ADAMTS12: variants seen among roughly 807,000 people sequenced by gnomAD.
ADAMTS12 encodes the protein ADAM metallopeptidase with thrombospondin type 1 motif 12.
ADAMTS12 carries 118 observed loss-of-function variants against 167.8 expected under a neutral mutation model. That is an observed-to-expected ratio of 0.70 (90% confidence interval 0.61 to 0.82). The LOEUF (loss-of-function observed/expected upper bound fraction) is 0.82. Ranked by LOEUF, ADAMTS12 falls within the 40% of genes least tolerant of loss-of-function variation. The pLI is 0.00. For missense variants in ADAMTS12, 1,916 were observed against 1,998.8 expected, an observed-to-expected ratio of 0.96 and a Z score of 0.79; for synonymous variants, 704 against 716.9, an observed-to-expected ratio of 0.98 and a Z score of 0.29.
At chr5:33,812,645 T>G (rs1423458836) in intron 2 of ADAMTS12, among the ~76,000 whole-genome samples, 1 of 152,232 alleles carries the variant, frequency 6.6e-6, no homozygotes, top group Non-Finnish European at 1.5e-5. Flanking sequence ...GTGTTTGACT[T>G]TTTTCATTCA....
intron 2 of ADAMTS12, among the ~76,000 whole-genome samples, chr5:33,860,358 G>A (rs1180415102): frequency 3.3e-5 from 5 of 152,064 alleles, no homozygotes; most frequent in African/African-American, 1.2e-4. Flanking sequence ...CAAGAACTTC[G>A]TGAAGCATAC....
In ADAMTS12 at chr5:33,614,261, T is replaced by C. The variant is rs1337803639; in HGVS notation, c.2504A>G (p.Glu835Gly). The C allele has an allele frequency of 5.0e-6, 8 of 1,613,884 alleles. No individual in the cohort carries two copies. In the South Asian group the frequency reaches 5.5e-5, roughly 11 times the overall value. ...ACCTGTCCCGCAGGTCACACTGCACTCTGTCCAGTGGCCGTACTGCCAGAA... is the reference window on the plus strand; with the variant it reads ...ACCTGTCCCGCAGGTCACACTGCACCCTGTCCAGTGGCCGTACTGCCAGAA... Reference protein sequence around the residue: ...MYFWQYGHWTECSVTCGTGIR... With the variant: ...MYFWQYGHWTGCSVTCGTGIR... Residue 835 changes from glutamate to glycine, a missense_variant, in exon 16 of 24, where the codon GAG (glutamate) becomes GGG (glycine). Glu to Gly is a moderately conservative substitution (Grantham distance 98). Coordinates refer to ENST00000504830, the MANE Select transcript of ADAMTS12 (RefSeq NM_030955.4).
intron 2 of ADAMTS12, among the ~76,000 whole-genome samples, chr5:33,832,627 G>T (rs1748343960): frequency 6.6e-6 from 1 of 152,334 alleles, no homozygotes; most frequent in South Asian, 2.1e-4. Flanking sequence ...CGCATGCTCA[G>T]AGAGAGAATT....
intron 2 of ADAMTS12, among the ~76,000 whole-genome samples, chr5:33,843,416 C>A (rs2111606686): frequency 6.6e-6 from 1 of 152,180 alleles, no homozygotes; most frequent in Non-Finnish European, 1.5e-5. Flanking sequence ...GTGAGGAGGG[C>A]ATCCATATCA....
rs566911395 is a variant in ADAMTS12 at position 33,816,759 on chromosome 5, C to A, written c.489+64360G>T. ...AGCACAGGGGTGTCTGGGGGTACAT[C>A]AACTGAGGATGAGAAGCTGAAGAGC... On this transcript the variant is annotated intron_variant, in intron 2 of 23. Coordinates refer to ENST00000504830, the MANE Select transcript of ADAMTS12 (RefSeq NM_030955.4). Among the ~76,000 whole-genome samples the A allele has an allele frequency of 3.3e-5, 5 of 152,252 alleles. No individual in the cohort carries two copies. In the South Asian group the frequency reaches 1.0e-3, roughly 32 times the overall value.
At chr5:33,613,512 A>C (rs1461592103) in intron 16 of ADAMTS12, among the ~76,000 whole-genome samples, 1 of 152,100 alleles carries the variant, frequency 6.6e-6, no homozygotes, top group Non-Finnish European at 1.5e-5. Flanking sequence ...CTTCCAGGCC[A>C]AGGCTGTCAA....
chr5:33,845,150 G>A (rs968470631), intron 2 of ADAMTS12, among the ~76,000 whole-genome samples: 2 of 152,198 alleles, frequency 1.3e-5, no homozygotes, highest in Non-Finnish European at 2.9e-5. Context: ...ATGCACATAT[G>A]CCCATATACA....
At chr5:33,584,569 T>C (rs1015557321) in intron 18 of ADAMTS12, among the ~76,000 whole-genome samples, 3 of 152,224 alleles carry the variant, frequency 2.0e-5, no homozygotes, top group African/African-American at 4.8e-5. Context: ...CAGAGTAGCA[T>C]GGAAAACAGA....
intron 2 of ADAMTS12, among the ~76,000 whole-genome samples, chr5:33,761,577 T>A (rs1332422493): frequency 1.3e-5 from 2 of 152,178 alleles, no homozygotes; most frequent in African/African-American, 4.8e-5. Context: ...TAATGAATAT[T>A]TATATCTACA....
chr5:33,843,258 G>C (rs2111605776), intron 2 of ADAMTS12, among the ~76,000 whole-genome samples: 1 of 152,346 alleles, frequency 6.6e-6, no homozygotes, highest in South Asian at 2.1e-4. Context: ...CCAGGACTGA[G>C]CAAGATGAGA....
At chr5:33,687,437 T>C (rs752740509) in intron 3 of ADAMTS12, among the ~76,000 whole-genome samples, 1 of 152,248 alleles carries the variant, frequency 6.6e-6, no homozygotes, top group Non-Finnish European at 1.5e-5. Context: ...GCCATCTGTG[T>C]GATTCCACTA....
At chr5:33,827,078 C>T (rs1360341409) in intron 2 of ADAMTS12, among the ~76,000 whole-genome samples, 2 of 77,236 alleles carry the variant, frequency 2.6e-5, no homozygotes, top group East Asian at 2.9e-4. Flanking sequence ...TCTCATTCAC[C>T]GCATAAAGAC....
chr5:33,530,047 G>A (rs2111728261), intron 23 of ADAMTS12, among the ~76,000 whole-genome samples: 1 of 152,054 alleles, frequency 6.6e-6, no homozygotes, highest in East Asian at 1.9e-4. Flanking sequence ...AGCCTCCTGA[G>A]TAGTTGGGCC....
intron 2 of ADAMTS12, among the ~76,000 whole-genome samples, chr5:33,812,900 G>A (rs1249831950): frequency 1.3e-5 from 2 of 152,070 alleles, no homozygotes; most frequent in Admixed American, 1.3e-4. Flanking sequence ...ATATACATAT[G>A]TCTAATGCAT....
At chr5:33,540,569 C>G (rs965594071) in intron 22 of ADAMTS12, among the ~76,000 whole-genome samples, 6 of 152,218 alleles carry the variant, frequency 3.9e-5, no homozygotes, top group African/African-American at 1.4e-4. Context: ...GGCCAACAGA[C>G]ACATCATATA....
intron 2 of ADAMTS12, among the ~76,000 whole-genome samples, chr5:33,775,926 T>G (rs372594556): frequency 6.6e-6 from 1 of 152,222 alleles, no homozygotes; most frequent in East Asian, 1.9e-4. Flanking sequence ...TTATCCCTTC[T>G]GCCATATGAG....
intron 3 of ADAMTS12, among the ~76,000 whole-genome samples, chr5:33,749,594 C>T (rs7710480): frequency 0.047 from 7,126 of 152,090 alleles, 586 homozygotes; most frequent in African/African-American, 0.16. Flanking sequence ...GAAATTCCAC[C>T]TGGTGGAAAT....
intron 2 of ADAMTS12, among the ~76,000 whole-genome samples, chr5:33,790,963 C>T (rs1746542979): frequency 6.6e-6 from 1 of 152,026 alleles, no homozygotes; most frequent in East Asian, 1.9e-4. Flanking sequence ...GTGATGTTAA[C>T]ATTGGTCAGA....
At chr5:33,749,166 T>C (rs575960656) in intron 3 of ADAMTS12, among the ~76,000 whole-genome samples, 2 of 152,314 alleles carry the variant, frequency 1.3e-5, no homozygotes, top group South Asian at 2.1e-4. Context: ...ACTTACTGAA[T>C]TCCTACTTTG....
Sources: gnomAD v4.1 joint callset for allele counts (sites outside exome capture counted in the v4.1 genomes callset) on GRCh38, gnomAD v4.1.1 for gene constraint, MANE v1.5 for transcripts, NCBI Gene and HGNC (gene_info 2026-07-23, HGNC 2026-07-21) for gene names.